The following UBE2K variants were observed in gnomAD, a reference collection of about 807,000 sequenced individuals.
UBE2K encodes the protein ubiquitin-conjugating enzyme E2 K.
Under a neutral mutation model 30.0 loss-of-function variants are expected in UBE2K, and 6 were observed. That is an observed-to-expected ratio of 0.20 (90% CI 0.11 to 0.39). The LOEUF is 0.39. Among genes scored for constraint, UBE2K ranks in the 10% least tolerant of loss-of-function variants. The pLI is 1.00. For missense variants in UBE2K, 61 were observed against 241.6 expected, an observed-to-expected ratio of 0.25 and a Z score of 4.96; for synonymous variants, 86 against 83.7, an observed-to-expected ratio of 1.03 and a Z score of -0.15.
At chr4:39,752,448 T>C (rs1721318800) in intron 3 of UBE2K, among the ~76,000 whole-genome samples, 1 of 148,518 alleles carries the variant, frequency 6.7e-6, no homozygotes, top group Admixed American at 6.8e-5. Flanking sequence ...GCCATTCTCC[T>C]GCCTCAGCCT....
At chr4:39,761,992 G>C (rs1456100759) in intron 4 of UBE2K, among the ~76,000 whole-genome samples, 1 of 151,618 alleles carries the variant, frequency 6.6e-6, no homozygotes, top group Non-Finnish European at 1.5e-5. Flanking sequence ...TGGGCAAGAT[G>C]GTGAAACCCC....
At chr4:39,763,752 T>A (rs752267703) in intron 4 of UBE2K, among the ~76,000 whole-genome samples, 1 of 152,150 alleles carries the variant, frequency 6.6e-6, no homozygotes, top group Non-Finnish European at 1.5e-5. Context: ...GGATATTTAT[T>A]TTTATTTTTA....
chr4:39,699,921 G>A (rs1342945822), intron 1 of UBE2K, among the ~76,000 whole-genome samples: 2 of 152,132 alleles, frequency 1.3e-5, no homozygotes, highest in African/African-American at 2.4e-5. Context: ...CAGAAATAGA[G>A]TCATAAGTGT....
At chr4:39,725,332 C>T (rs1402225101) in intron 1 of UBE2K, among the ~76,000 whole-genome samples, 1 of 124,322 alleles carries the variant, frequency 8.0e-6, no homozygotes, top group Non-Finnish European at 1.6e-5. Context: ...GAGCCATGAT[C>T]ATGCCACTGC....
intron 3 of UBE2K, among the ~76,000 whole-genome samples, chr4:39,749,188 C>G (rs1332293859): frequency 6.6e-6 from 1 of 152,088 alleles, no homozygotes; most frequent in African/African-American, 2.4e-5. Context: ...AAATTATTGA[C>G]CGGAAGAGTA....
At chr4:39,738,762 C>G (rs965677720) in intron 2 of UBE2K, among the ~76,000 whole-genome samples, 1 of 151,386 alleles carries the variant, frequency 6.6e-6, no homozygotes, top group South Asian at 2.1e-4. Flanking sequence ...ACTGCATCCT[C>G]CATCTCCCAG....
chr4:39,763,973 C>T (rs1295010599), intron 4 of UBE2K, among the ~76,000 whole-genome samples: 1 of 151,958 alleles, frequency 6.6e-6, no homozygotes, highest in Non-Finnish European at 1.5e-5. Flanking sequence ...CTCAAGCGAT[C>T]TACCTGCTTC....
intron 1 of UBE2K, among the ~76,000 whole-genome samples, chr4:39,728,195 G>C (rs796840188): frequency 9.2e-5 from 14 of 152,192 alleles, no homozygotes; most frequent in African/African-American, 3.1e-4. Flanking sequence ...TTAAAACCTG[G>C]CTTCACTGAT....
intron 1 of UBE2K, chr4:39,713,733 T>C (rs1718848703): frequency 6.6e-6 from 1 of 152,078 alleles, no homozygotes; most frequent in Admixed American, 6.6e-5. Context: ...CCACCCAGCT[T>C]CTGGCAGTCA....
intron 1 of UBE2K, among the ~76,000 whole-genome samples, chr4:39,705,896 C>A (rs1718330789): frequency 6.9e-6 from 1 of 145,480 alleles, no homozygotes; most frequent in Admixed American, 6.9e-5. Flanking sequence ...GTCACCCAGG[C>A]TGGAGTGCAG....
At chr4:39,725,559 A>G (rs1404937176) in intron 1 of UBE2K, among the ~76,000 whole-genome samples, 16 of 152,108 alleles carry the variant, frequency 1.1e-4, no homozygotes, top group Admixed American at 1.0e-3. Flanking sequence ...CCCTTGGGTC[A>G]GTTAGCTCTG....
intron 2 of UBE2K, among the ~76,000 whole-genome samples, chr4:39,741,812 C>G (rs1024855333): frequency 4.6e-5 from 7 of 152,014 alleles, no homozygotes; most frequent in African/African-American, 1.7e-4. Context: ...AATTCTCATT[C>G]CTTCCTCATC....
At chr4:39,763,593 C>A (rs1712116603) in intron 4 of UBE2K, among the ~76,000 whole-genome samples, 1 of 152,070 alleles carries the variant, frequency 6.6e-6, no homozygotes, top group African/African-American at 2.4e-5. Flanking sequence ...TCAGTCATCA[C>A]CAATGGGGTG....
chr4:39,718,852 G>GGTT (rs1261938934), intron 1 of UBE2K, among the ~76,000 whole-genome samples: 1 of 152,266 alleles, frequency 6.6e-6, no homozygotes, highest in Non-Finnish European at 1.5e-5. Flanking sequence ...TGCAAACGCC[G>GGTT]TGCGCAGCCC....
intron 1 of UBE2K, among the ~76,000 whole-genome samples, chr4:39,708,936 TC>T (rs1298050832): frequency 8.6e-5 from 13 of 151,214 alleles, no homozygotes; most frequent in Admixed American, 4.6e-4. Flanking sequence ...TTTTTTTTTT[TC>T]CTCTTAGTAT....
chr4:39,721,493 A>G (rs776498703), intron 1 of UBE2K, among the ~76,000 whole-genome samples: 1 of 152,158 alleles, frequency 6.6e-6, no homozygotes, highest in East Asian at 1.9e-4. Flanking sequence ...AGCTGGGACT[A>G]CAGGCACGTG....
intron 1 of UBE2K, among the ~76,000 whole-genome samples, chr4:39,708,531 C>A (rs377293860): frequency 6.6e-6 from 1 of 151,840 alleles, no homozygotes; most frequent in African/African-American, 2.4e-5. Context: ...TTCTAATAAC[C>A]GATTAGTTTT....
chr4:39,737,665 C>A, intron 2 of UBE2K, 152 bp downstream of exon 2: 2 of 543,192 alleles, frequency 3.7e-6, no homozygotes, highest in Non-Finnish European at 3.1e-6. Flanking sequence ...AATTTAGATA[C>A]TGAATATAGA....
chr4:39,761,818 C>T (rs913792236), intron 4 of UBE2K, among the ~76,000 whole-genome samples: 5 of 151,990 alleles, frequency 3.3e-5, no homozygotes. Context: ...CAAAATTGCA[C>T]ACATTTCTTT....
Sources: gnomAD v4.1 joint callset for allele counts (sites outside exome capture counted in the v4.1 genomes callset) on GRCh38, gnomAD v4.1.1 for gene constraint, MANE v1.5 for transcripts, NCBI Gene and HGNC (gene_info 2026-07-23, HGNC 2026-07-21) for gene names.